IGF1R: variants seen among roughly 807,000 people sequenced by gnomAD.
IGF1R encodes insulin-like growth factor 1 receptor.
In IGF1R, 44 loss-of-function variants were observed where a neutral mutation model predicts 144.6. The ratio of observed to expected loss-of-function variants is 0.30; its 90% confidence interval spans 0.24 to 0.39. IGF1R has a LOEUF of 0.39. Among genes scored for constraint, IGF1R ranks in the 10% least tolerant of loss-of-function variants. IGF1R has a pLI of 1.00. For missense variants in IGF1R, 1,355 were observed against 1,833.7 expected, an observed-to-expected ratio of 0.74 and a Z score of 4.77; for synonymous variants, 795 against 722.8, an observed-to-expected ratio of 1.10 and a Z score of -1.60.
intron 2 of IGF1R, among the ~76,000 whole-genome samples, chr15:98,736,610 CTTTTTTCTTT>C (rs1441248730): frequency 7.2e-6 from 1 of 138,980 alleles, no homozygotes; most frequent in Non-Finnish European, 1.6e-5. Flanking sequence ...TTTCTTTTTT[CTTTTTTCTTT>C]TTTTTTTTTG....
At position 98,962,442 on chromosome 15, in the gene IGF1R, A is replaced by C. The variant is rs2017262784; in HGVS notation, c.*5000A>C. The stretch of plus-strand genomic sequence containing the variant: ...GTGGCGAAAGACACTTTCTTTCTTC[A>C]CTCTGAAGTAGCTGGTGGTACAAAT... On this transcript the variant is annotated 3_prime_UTR_variant, in exon 21 of 21. Coordinates refer to ENST00000650285, the MANE Select transcript of IGF1R (RefSeq NM_000875.5). The C allele has an allele frequency of 4.3e-6, 1 of 233,592 alleles. No homozygotes were observed. The highest frequency in any genetic ancestry group is 8.5e-6 in the Non-Finnish European group (1 of 118,094). 14.5% of individuals were successfully genotyped at this position (233,592 alleles called of 1,614,324 possible). A position where few individuals can be genotyped will look rare whatever the true frequency, so the allele number is the denominator to read the frequency against.
At chr15:98,753,719 C>T (rs1403095469) in intron 2 of IGF1R, among the ~76,000 whole-genome samples, 2 of 151,936 alleles carry the variant, frequency 1.3e-5, no homozygotes, top group South Asian at 2.1e-4. Context: ...CAAACCATGG[C>T]GAATTAATGT....
intron 2 of IGF1R, among the ~76,000 whole-genome samples, chr15:98,859,751 A>G (rs960853918): frequency 2.0e-5 from 3 of 152,252 alleles, no homozygotes; most frequent in African/African-American, 4.8e-5. Flanking sequence ...TAGTTATAAG[A>G]TGTCCTAGCC....
chr15:98,715,613 G>A (rs1455422487), intron 2 of IGF1R, among the ~76,000 whole-genome samples: 2 of 152,202 alleles, frequency 1.3e-5, no homozygotes, highest in African/African-American at 2.4e-5. Context: ...GTGTGGGCCC[G>A]TGGTTAATCT....
In IGF1R at chr15:98,649,390, G is replaced by T; in HGVS notation, c.-192G>T. 3.2e-6 allele frequency: 1 copy of T among 313,998 alleles called. No individual in the cohort carries two copies. The highest frequency in any genetic ancestry group is 5.7e-6 in the Non-Finnish European group (1 of 176,708). The allele number at this position is 313,998 out of a possible 1,614,324, so 19.5% of individuals were successfully genotyped here. A position where few individuals can be genotyped will look rare whatever the true frequency, so the allele number is the denominator to read the frequency against. ...GCTGAGGGGCCGCCCCGCGCCGCCC[G>T]CCCCGTCCGCGCACCCGGAGGGCCC... On this transcript the variant is annotated 5_prime_UTR_variant, in exon 1 of 21. Transcript: ENST00000650285.
chr15:98,815,101 C>G (rs965753625), intron 2 of IGF1R, among the ~76,000 whole-genome samples: 10 of 152,070 alleles, frequency 6.6e-5, no homozygotes, highest in African/African-American at 2.4e-4. Context: ...AGATACATGA[C>G]ATAAAAACAG....
chr15:98,887,278 A>T (rs2013685918), intron 2 of IGF1R, among the ~76,000 whole-genome samples: 1 of 151,374 alleles, frequency 6.6e-6, no homozygotes, highest in Admixed American at 6.6e-5. Flanking sequence ...TACTGCTCAG[A>T]TGTGTGGGAA....
intron 5 of IGF1R, among the ~76,000 whole-genome samples, chr15:98,908,212 A>T (rs2014825203): frequency 6.6e-6 from 1 of 152,196 alleles, no homozygotes; most frequent in South Asian, 2.1e-4. Context: ...TCCCTGTCTC[A>T]TGCTGTCTCC....
intron 1 of IGF1R, among the ~76,000 whole-genome samples, chr15:98,683,221 C>G (rs190084603): frequency 1.4e-4 from 22 of 151,964 alleles, no homozygotes; most frequent in Non-Finnish European, 2.9e-5. Flanking sequence ...AGAGATCTGA[C>G]GAGTTTGGGT....
At chr15:98,817,890 CT>C (rs2056728222) in intron 2 of IGF1R, among the ~76,000 whole-genome samples, 2 of 152,208 alleles carry the variant, frequency 1.3e-5, no homozygotes, top group South Asian at 4.1e-4. Context: ...CCTACTTCAC[CT>C]CTTCTCTCCA....
intron 1 of IGF1R, among the ~76,000 whole-genome samples, chr15:98,668,035 C>G (rs918221077): frequency 6.6e-6 from 1 of 152,106 alleles, no homozygotes; most frequent in Non-Finnish European, 1.5e-5. Context: ...TCTCACAGTT[C>G]TGGAGGCTGG....
At chr15:98,752,544 G>A (rs748392561) in intron 2 of IGF1R, among the ~76,000 whole-genome samples, 1 of 152,096 alleles carries the variant, frequency 6.6e-6, no homozygotes, top group Non-Finnish European at 1.5e-5. Context: ...TTAGCTGGGC[G>A]TGGTGGCGGG....
At chr15:98,731,395 G>A (rs533378576) in intron 2 of IGF1R, among the ~76,000 whole-genome samples, 13 of 152,296 alleles carry the variant, frequency 8.5e-5, no homozygotes, top group African/African-American at 3.1e-4. Context: ...AGAATGAATA[G>A]CATTTTTAAA....
At chr15:98,663,592 C>T (rs865829394) in intron 1 of IGF1R, among the ~76,000 whole-genome samples, 1 of 152,148 alleles carries the variant, frequency 6.6e-6, no homozygotes, top group African/African-American at 2.4e-5. Flanking sequence ...TTCAGGTGAG[C>T]GCTGTTGTTG....
intron 1 of IGF1R, among the ~76,000 whole-genome samples, chr15:98,694,251 G>A (rs958504726): frequency 6.6e-6 from 1 of 152,132 alleles, no homozygotes; most frequent in Non-Finnish European, 1.5e-5. Context: ...CAAAATGGGA[G>A]GGTTATTAAA....
chr15:98,648,917 G>C lies in IGF1R; in HGVS notation c.-665G>C, dbSNP rs1281021883. The C allele has an allele frequency of 1.0e-4, 17 of 167,272 alleles. No individual in the cohort carries two copies. Among genetic ancestry groups the C allele is most frequent in the Non-Finnish European group, 1.8e-4 (14 of 77,682 alleles). 10.4% of individuals were successfully genotyped at this position (167,272 alleles called of 1,614,324 possible). A position where few individuals can be genotyped will look rare whatever the true frequency, so the allele number is the denominator to read the frequency against. On this transcript the variant is annotated 5_prime_UTR_variant, in exon 1 of 21. Coordinates refer to ENST00000650285, the MANE Select transcript of IGF1R (RefSeq NM_000875.5). ...GCGGCGCAGAGCCGGGCGGCGCGGC[G>C]GGAGTGCTGAGCGCGGCGCGGCCGG...
At chr15:98,829,368 T>TAAA (rs34595229) in intron 2 of IGF1R, among the ~76,000 whole-genome samples, 3 of 147,624 alleles carry the variant, frequency 2.0e-5, no homozygotes. Context: ...GCTATTACTT[T>TAAA]AAAAAAAAAA....
At chr15:98,780,232 A>G (rs903416483) in intron 2 of IGF1R, among the ~76,000 whole-genome samples, 1 of 152,080 alleles carries the variant, frequency 6.6e-6, no homozygotes, top group African/African-American at 2.4e-5. Context: ...TTTGCAGTGT[A>G]TTGTCTCATT....
chr15:98,816,087 C>T (rs1421811640), intron 2 of IGF1R, among the ~76,000 whole-genome samples: 1 of 152,214 alleles, frequency 6.6e-6, no homozygotes, highest in East Asian at 1.9e-4. Context: ...ACCCCAGCCA[C>T]CCTACTTTCC....
Sources: gnomAD v4.1 joint callset for allele counts (sites outside exome capture counted in the v4.1 genomes callset) on GRCh38, gnomAD v4.1.1 for gene constraint, MANE v1.5 for transcripts, NCBI Gene and HGNC (gene_info 2026-07-23, HGNC 2026-07-21) for gene names.